Variants in TRHDE observed in about 807,000 individuals in gnomAD.
The protein encoded by TRHDE is thyrotropin-releasing hormone-degrading ectoenzyme.
Under a neutral mutation model 125.7 loss-of-function variants are expected in TRHDE, and 72 were observed. The observed-to-expected ratio is 0.57, with a 90% CI of 0.47 to 0.70. TRHDE has a LOEUF of 0.70. Ranked by LOEUF, TRHDE falls within the 30% of genes least tolerant of loss-of-function variation. TRHDE has a pLI of 0.00. For synonymous variants in TRHDE, 509 were observed against 509.1 expected (o/e 1.00, Z 0.00); for missense variants, 1,110 against 1,327.1 (o/e 0.84, Z 2.54).
At chr12:72,429,717 C>T (rs1009414111) in intron 3 of TRHDE, among the ~76,000 whole-genome samples, 12 of 152,040 alleles carry the variant, frequency 7.9e-5, no homozygotes, top group African/African-American at 2.9e-4. Context: ...CAATTATAGC[C>T]TACTTAGTGT....
At chr12:72,156,951 G>T (rs140595887) in intron 2 of TRHDE, among the ~76,000 whole-genome samples, 3 of 152,146 alleles carry the variant, frequency 2.0e-5, no homozygotes, top group African/African-American at 7.2e-5. Flanking sequence ...AAGCAGGGTA[G>T]CAGGATATGC....
At chr12:72,405,258 T>G (rs1228085950) in intron 3 of TRHDE, among the ~76,000 whole-genome samples, 1 of 152,234 alleles carries the variant, frequency 6.6e-6, no homozygotes, top group Non-Finnish European at 1.5e-5. Context: ...TATGTAAGAC[T>G]TCATAGAGGA....
At chr12:72,604,627 TTAAAC>T (rs1189378806) in intron 12 of TRHDE, among the ~76,000 whole-genome samples, 1 of 152,088 alleles carries the variant, frequency 6.6e-6, no homozygotes, top group Admixed American at 6.6e-5. Flanking sequence ...TAAAATATTC[TTAAAC>T]TAATATAATT....
At chr12:72,217,375 AGT>A (rs1291817072) in intron 2 of TRHDE, among the ~76,000 whole-genome samples, 2 of 152,158 alleles carry the variant, frequency 1.3e-5, no homozygotes, top group Non-Finnish European at 2.9e-5. Context: ...GACTGTTCCT[AGT>A]GCCTTTAGTA....
In TRHDE at chr12:72,272,488, T is replaced by A. The variant is rs1879262462; in HGVS notation, c.-156T>A. ...GGGGGTCGCGGAAGCTGCCGTCGCTTGTGTCCAGAACCCGTCTTAAAAGAA... is the reference window on the plus strand; with the variant it reads ...GGGGGTCGCGGAAGCTGCCGTCGCTAGTGTCCAGAACCCGTCTTAAAAGAA... On this transcript the variant is annotated 5_prime_UTR_variant, in exon 1 of 19. Transcript: ENST00000261180. This position sits in a 1 kb window ranked among gnomAD's most constrained non-coding sequence, Gnocchi z 6.7. 3 of 530,814 alleles carry A rather than the reference T, an allele frequency of 5.7e-6. No homozygotes were observed. The highest frequency in any genetic ancestry group is 1.9e-5 in the African/African-American group (1 of 52,142). 32.9% of individuals were successfully genotyped at this position (530,814 alleles called of 1,614,324 possible).
At chr12:72,341,860 A>G (rs556922740) in intron 2 of TRHDE, among the ~76,000 whole-genome samples, 2 of 152,156 alleles carry the variant, frequency 1.3e-5, no homozygotes, top group Non-Finnish European at 2.9e-5. Context: ...AGTCTTCTAA[A>G]AGTAACTTCT....
At chr12:72,414,514 A>G (rs1188475449) in intron 3 of TRHDE, among the ~76,000 whole-genome samples, 3 of 152,176 alleles carry the variant, frequency 2.0e-5, no homozygotes, top group Admixed American at 1.3e-4. Context: ...GAATTTCTCA[A>G]TAACAACTCT....
intron 2 of TRHDE, 139 bp downstream of exon 2, chr12:72,287,093 G>A (rs528225883): frequency 1.1e-6 from 1 of 951,016 alleles, no homozygotes; most frequent in South Asian, 1.8e-5. Context: ...TTATGGGGGG[G>A]TTTTTACATA....
chr12:72,393,067 T>C (rs1364357307), intron 3 of TRHDE, among the ~76,000 whole-genome samples: 2 of 152,202 alleles, frequency 1.3e-5, no homozygotes, highest in East Asian at 1.9e-4. Context: ...TTTCATATAT[T>C]GTATATTTAT....
intron 3 of TRHDE, among the ~76,000 whole-genome samples, chr12:72,387,924 A>G (rs1303467023): frequency 5.9e-5 from 9 of 152,048 alleles, no homozygotes; most frequent in Non-Finnish European, 4.4e-5. Flanking sequence ...TTTATAAATT[A>G]CTCAGTCTCA....
chr12:72,446,061 C>A (rs1295626711), intron 3 of TRHDE, among the ~76,000 whole-genome samples: 2 of 151,432 alleles, frequency 1.3e-5, no homozygotes, highest in Non-Finnish European at 2.9e-5. Flanking sequence ...ACCAGTGCTT[C>A]TCAAATTTTA....
At chr12:72,322,601 C>T (rs1281791952) in intron 2 of TRHDE, among the ~76,000 whole-genome samples, 2 of 82,818 alleles carry the variant, frequency 2.4e-5, no homozygotes, top group African/African-American at 8.1e-5. Flanking sequence ...CTTGTATTTT[C>T]CACAGGGACA....
chr12:72,237,085 T>G (rs1156429276), intron 2 of TRHDE, among the ~76,000 whole-genome samples: 2 of 152,134 alleles, frequency 1.3e-5, no homozygotes, highest in Admixed American at 1.3e-4. Flanking sequence ...TGTATCAATA[T>G]CCATATTTTT....
intron 2 of TRHDE, among the ~76,000 whole-genome samples, chr12:72,289,881 C>A (rs1880023979): frequency 1.3e-5 from 2 of 152,142 alleles, no homozygotes; most frequent in South Asian, 4.1e-4. Context: ...ATCCAGACCG[C>A]TTTTATTCTT....
At chr12:72,150,658 T>C (rs888078663) in intron 2 of TRHDE, among the ~76,000 whole-genome samples, 4 of 151,160 alleles carry the variant, frequency 2.6e-5, no homozygotes, top group Non-Finnish European at 5.9e-5. Context: ...GTTTGGTTTT[T>C]TGTCCTTGCA....
At chr12:72,590,090 A>G (rs947341529) in intron 12 of TRHDE, among the ~76,000 whole-genome samples, 13 of 152,056 alleles carry the variant, frequency 8.5e-5, no homozygotes, top group Admixed American at 5.9e-4. Context: ...CATTCAGTTT[A>G]AAATATTTTC....
chr12:72,276,603 G>T (rs1202558433), intron 1 of TRHDE, among the ~76,000 whole-genome samples: 2 of 152,184 alleles, frequency 1.3e-5, no homozygotes, highest in Non-Finnish European at 2.9e-5. Flanking sequence ...GTTGTAAGTA[G>T]CCTGGCTTTG....
At chr12:72,239,640 T>C (rs1266426190) in intron 2 of TRHDE, among the ~76,000 whole-genome samples, 2 of 152,212 alleles carry the variant, frequency 1.3e-5, no homozygotes, top group Non-Finnish European at 2.9e-5. Context: ...GCCTGAGCAA[T>C]GGAAGGATGC....
intron 5 of TRHDE, among the ~76,000 whole-genome samples, chr12:72,486,321 C>G (rs544801257): frequency 6.6e-6 from 1 of 152,272 alleles, no homozygotes; most frequent in Admixed American, 6.5e-5. Flanking sequence ...ATCCCAGAAA[C>G]CTGTCTTCAC....
Sources: allele counts gnomAD v4.1 joint callset (sites outside exome capture counted in the v4.1 genomes callset), GRCh38; gene constraint gnomAD v4.1.1; non-coding constraint Gnocchi (gnomAD v3.1); transcripts MANE v1.5; gene names NCBI Gene and HGNC (gene_info 2026-07-23, HGNC 2026-07-21).